GATAD2B: variants seen among roughly 807,000 people sequenced by gnomAD.
The protein encoded by GATAD2B is GATA zinc finger domain containing 2B.
GATAD2B carries 8 observed loss-of-function variants against 64.3 expected under a neutral mutation model. That is an observed-to-expected ratio of 0.12 (90% CI 0.07 to 0.22). GATAD2B has a LOEUF of 0.22. GATAD2B is among the 10% of genes least tolerant of loss of function. The pLI is 1.00. For missense variants in GATAD2B, 453 were observed against 752.0 expected (o/e 0.60, Z 4.65); for synonymous variants, 281 against 271.3 (o/e 1.04, Z -0.35).
intron 1 of GATAD2B, among the ~76,000 whole-genome samples, chr1:153,880,080 T>C (rs1023988503): frequency 1.3e-5 from 2 of 152,072 alleles, no homozygotes; most frequent in African/African-American, 2.4e-5. Context: ...TTAATAGATA[T>C]TACTTGCTCT....
At chr1:153,861,781 C>CAAAAAAAAAAAAAAAAA (rs869141712) in intron 1 of GATAD2B, among the ~76,000 whole-genome samples, 8 of 85,678 alleles carry the variant, frequency 9.3e-5, no homozygotes, top group South Asian at 3.7e-4. Context: ...GACTCCATTT[C>CAAAAAAAAAAAAAAAAA]AAAAAAAAAA....
At position 153,813,246 on chromosome 1, in the gene GATAD2B, T is replaced by C. The variant is rs1340826383; in HGVS notation, c.1419+4A>G. 1 of 1,612,382 alleles carries C rather than the reference T, an allele frequency of 6.2e-7. No individual in the cohort carries two copies. Among genetic ancestry groups the C allele is most frequent in the African/African-American group, 1.3e-5 (1 of 74,912 alleles). ...GGTGGCCAGTGAGCAGTCAGAATTC[T>C]TACCTGTTCCTGCTGTAGGGCTTTC... On this transcript the variant is annotated splice_donor_region_variant and intron_variant, in intron 8 of 10. Coordinates refer to ENST00000368655, the MANE Select transcript of GATAD2B (RefSeq NM_020699.4).
chr1:153,830,482 A>ATTTATT (rs1675040415), intron 1 of GATAD2B, among the ~76,000 whole-genome samples: 2 of 132,538 alleles, frequency 1.5e-5, no homozygotes, highest in South Asian at 2.3e-4. Flanking sequence ...TTATTTATTT[A>ATTTATT]TTTTTTTTTT....
intron 1 of GATAD2B, among the ~76,000 whole-genome samples, chr1:153,884,292 T>C (rs1453078715): frequency 6.6e-6 from 1 of 152,126 alleles, no homozygotes; most frequent in East Asian, 1.9e-4. Flanking sequence ...ACAAAAAAAT[T>C]AGCCAGGCGT....
At chr1:153,870,111 C>T (rs981620562) in intron 1 of GATAD2B, among the ~76,000 whole-genome samples, 3 of 152,036 alleles carry the variant, frequency 2.0e-5, no homozygotes, top group Admixed American at 6.6e-5. Flanking sequence ...CTATGCCCAG[C>T]GCTAATGTTT....
intron 1 of GATAD2B, among the ~76,000 whole-genome samples, chr1:153,866,860 A>C (rs924195912): frequency 6.6e-6 from 1 of 152,170 alleles, no homozygotes; most frequent in Non-Finnish European, 1.5e-5. Context: ...CAGCCACTGC[A>C]ATCTCCGCCT....
rs1383204397 is a variant in GATAD2B, at chr1:153,805,878, G to A, written c.*4299C>T. Reference sequence around the variant, plus strand: ...ACTCTACAAAGTCCTGGACCAGGAGGTCTTGGCTTTCACAGGAGCTCAGCC... The same window carrying A: ...ACTCTACAAAGTCCTGGACCAGGAGATCTTGGCTTTCACAGGAGCTCAGCC... On this transcript the variant is annotated 3_prime_UTR_variant, in exon 11 of 11. Coordinates refer to ENST00000368655, the MANE Select transcript of GATAD2B (RefSeq NM_020699.4). 3 of 152,190 alleles carry A rather than the reference G, an allele frequency of 2.0e-5. No homozygotes were observed. The highest frequency in any genetic ancestry group is 3.2e-3 in the Middle Eastern group (1 of 316). 9.4% of individuals were successfully genotyped at this position (152,190 alleles called of 1,614,324 possible).
At position 153,816,284 on chromosome 1, in the gene GATAD2B, A is replaced by G. The variant is rs1215552187; in HGVS notation, c.1205T>C (p.Ile402Thr). 1.2e-6 allele frequency: 2 copies of G among 1,610,604 alleles called. No homozygotes were observed. Among genetic ancestry groups the G allele is most frequent in the Non-Finnish European group, 1.7e-6 (2 of 1,176,846 alleles). The change falls in exon 7 of 11, where the codon ATT becomes ACT. Residue 402 changes from isoleucine to threonine, a missense_variant. Coordinates refer to ENST00000368655, the MANE Select transcript of GATAD2B (RefSeq NM_020699.4). The surrounding 1 kb of genome is among the most constrained non-coding windows in gnomAD (Gnocchi z 4.9). Reference sequence around the variant, plus strand: ...AGAAACAGCCTTACCTTGGCTGTCAATGACACTCTGTACGACTTCTTCCAA... The same window carrying G: ...AGAAACAGCCTTACCTTGGCTGTCAGTGACACTCTGTACGACTTCTTCCAA... Reference protein sequence around the residue: ...VGLEEVVQSVIDSQGKSCASL... With the variant: ...VGLEEVVQSVTDSQGKSCASL...
chr1:153,842,798 G>A (rs544673580), intron 1 of GATAD2B, among the ~76,000 whole-genome samples: 3 of 151,694 alleles, frequency 2.0e-5, no homozygotes, highest in South Asian at 4.2e-4. Flanking sequence ...GATTACAGGC[G>A]CCTGCCACCA....
intron 1 of GATAD2B, among the ~76,000 whole-genome samples, chr1:153,886,713 G>A (rs975101068): frequency 3.4e-4 from 51 of 151,044 alleles, no homozygotes; most frequent in Non-Finnish European, 6.0e-4. Context: ...CAACACGCCC[G>A]GCTAATTTTT....
At chr1:153,869,531 A>G (rs367906613) in intron 1 of GATAD2B, among the ~76,000 whole-genome samples, 1 of 152,062 alleles carries the variant, frequency 6.6e-6, no homozygotes, top group Admixed American at 6.6e-5. Flanking sequence ...AGCTCCTTCA[A>G]GCTGGTTCTC....
chr1:153,910,825 A>G (rs1678089976), intron 1 of GATAD2B, among the ~76,000 whole-genome samples: 1 of 152,222 alleles, frequency 6.6e-6, no homozygotes, highest in African/African-American at 2.4e-5. Flanking sequence ...TAATGTAAGC[A>G]TTTCGAACAC....
intron 1 of GATAD2B, among the ~76,000 whole-genome samples, chr1:153,845,954 C>CT (rs904339820): frequency 6.5e-5 from 7 of 107,536 alleles, no homozygotes; most frequent in African/African-American, 2.1e-4. Flanking sequence ...GCCCCCCCCC[C>CT]GCCCCAAAAC....
At chr1:153,863,255 TG>T (rs1218358728) in intron 1 of GATAD2B, among the ~76,000 whole-genome samples, 1 of 151,762 alleles carries the variant, frequency 6.6e-6, no homozygotes, top group African/African-American at 2.4e-5. Flanking sequence ...CCGAGGCGGG[TG>T]GATCACCTGA....
intron 1 of GATAD2B, among the ~76,000 whole-genome samples, chr1:153,868,511 T>C (rs1459979860): frequency 2.6e-5 from 4 of 151,884 alleles, no homozygotes; most frequent in African/African-American, 9.7e-5. Flanking sequence ...AAGGTAGGAG[T>C]TCTTTTTTAA....
chr1:153,922,347 G>A (rs1392407400), intron 1 of GATAD2B, among the ~76,000 whole-genome samples: 1 of 150,570 alleles, frequency 6.6e-6, no homozygotes, highest in African/African-American at 2.4e-5. Context: ...GCGGGCATGA[G>A]GCAGGGAGTG....
At chr1:153,882,945 T>C (rs1421714074) in intron 1 of GATAD2B, among the ~76,000 whole-genome samples, 1 of 152,208 alleles carries the variant, frequency 6.6e-6, no homozygotes, top group African/African-American at 2.4e-5. Flanking sequence ...GCAATGGTAA[T>C]TGTTTTCTTG....
intron 1 of GATAD2B, among the ~76,000 whole-genome samples, chr1:153,832,566 C>T (rs1030765308): frequency 3.3e-5 from 5 of 152,208 alleles, no homozygotes; most frequent in Non-Finnish European, 4.4e-5. Flanking sequence ...GATGTAGAAG[C>T]TAACGCAAGT....
chr1:153,886,680 T>C (rs1345991668), intron 1 of GATAD2B, among the ~76,000 whole-genome samples: 4 of 151,876 alleles, frequency 2.6e-5, no homozygotes, highest in Non-Finnish European at 5.9e-5. Flanking sequence ...GCCTCTCGAC[T>C]AGCTGGGACT....
Sources: allele counts gnomAD v4.1 joint callset (sites outside exome capture counted in the v4.1 genomes callset), GRCh38; gene constraint gnomAD v4.1.1; non-coding constraint Gnocchi (gnomAD v3.1); transcripts MANE v1.5; gene names NCBI Gene and HGNC (gene_info 2026-07-23, HGNC 2026-07-21).